Variants in ATP10D observed in about 807,000 individuals in gnomAD.
The protein encoded by ATP10D is ATPase phospholipid transporting 10D (putative).
A neutral mutation model predicts 144.8 loss-of-function variants in ATP10D; 89 were observed. The observed-to-expected ratio is 0.61, with a 90% CI of 0.52 to 0.73. ATP10D has a LOEUF of 0.73. Ranked by LOEUF, ATP10D falls within the 30% of genes least tolerant of loss-of-function variation. The pLI is 0.00. For missense variants in ATP10D, 1,603 were observed against 1,714.8 expected (o/e 0.93, Z 1.15); for synonymous variants, 571 against 615.1 (o/e 0.93, Z 1.06).
intron 1 of ATP10D, among the ~76,000 whole-genome samples, chr4:47,505,235 A>G (rs202018110): frequency 2.7e-4 from 41 of 152,362 alleles, no homozygotes; most frequent in African/African-American, 9.1e-4. Context: ...GGGCTTCCCA[A>G]TAACATGAGT....
chr4:47,486,838 G>A (rs1714785677), intron 1 of ATP10D, among the ~76,000 whole-genome samples: 1 of 152,156 alleles, frequency 6.6e-6, no homozygotes, highest in South Asian at 2.1e-4. Context: ...TAAATTGCAT[G>A]AAAAAGAGGG....
rs746393276 is a variant in ATP10D at position 47,558,101 on chromosome 4, G to A, written c.2262G>A (p.Val754=). The change falls in exon 12 of 23, where the codon GTG becomes GTA. Residue 754 remains valine (V), a synonymous_variant. Coordinates refer to ENST00000273859, the MANE Select transcript of ATP10D (RefSeq NM_020453.4). Reference sequence around the variant, plus strand: ...CTCGGACACCAGAGCAGGTCATGGTGGACTTTGCTGCTTTGGGACCATTAA... The same window carrying A: ...CTCGGACACCAGAGCAGGTCATGGTAGACTTTGCTGCTTTGGGACCATTAA... ...LRSRTPEQVM[V]DFAALGPLTF... The A allele has an allele frequency of 1.1e-5, 17 of 1,614,092 alleles. No individual in the cohort carries two copies. Among genetic ancestry groups the A allele is most frequent in the Admixed American group, 6.7e-5 (4 of 60,010 alleles).
chr4:47,548,067 A>G (rs898882749), intron 10 of ATP10D, among the ~76,000 whole-genome samples: 2 of 151,882 alleles, frequency 1.3e-5, no homozygotes, highest in African/African-American at 2.4e-5. Flanking sequence ...CTTTTTATCT[A>G]TCCTTGTATT....
At chr4:47,570,098 G>T (rs556301899) in intron 16 of ATP10D, among the ~76,000 whole-genome samples, 1 of 152,292 alleles carries the variant, frequency 6.6e-6, no homozygotes, top group South Asian at 2.1e-4. Context: ...TGGCTGTTCT[G>T]TCAGAGTAAT....
In ATP10D at chr4:47,563,572, A is replaced by AT. The variant is rs756629735; in HGVS notation, c.2669-3dup. 1.9e-6 allele frequency: 3 copies of AT among 1,594,986 alleles called. No individual in the cohort carries two copies. The highest frequency in any genetic ancestry group is 2.6e-6 in the Non-Finnish European group (3 of 1,173,008). Reference sequence around the variant, plus strand: ...TTACAAGTCCTATTGCACTTTGGTTATTTTTTAGGTGCTACTGGCATTGAA... The same window carrying AT: ...TTACAAGTCCTATTGCACTTTGGTTATTTTTTTAGGTGCTACTGGCATTGAA... On this transcript the variant is annotated splice_polypyrimidine_tract_variant and intron_variant, in intron 14 of 22. Coordinates refer to ENST00000273859, the MANE Select transcript of ATP10D (RefSeq NM_020453.4).
At chr4:47,497,101 G>A (rs575231412) in intron 1 of ATP10D, among the ~76,000 whole-genome samples, 8 of 151,986 alleles carry the variant, frequency 5.3e-5, no homozygotes, top group Admixed American at 2.0e-4. Context: ...TCGGCCTCCC[G>A]AATTGCTGGG....
chr4:47,502,579 T>C lies in ATP10D; in HGVS notation c.-37-9925T>C, dbSNP rs1448182016. On this transcript the variant is annotated intron_variant, in intron 1 of 22. Transcript: ENST00000273859. ...ATATATTTGATAATATATATATGAT[T>C]ATATGTTTTTAATTATACATGTTTT... Among the ~76,000 whole-genome samples, 4 of 148,628 alleles carry C rather than the reference T, an allele frequency of 2.7e-5. No individual in the cohort carries two copies. The East Asian group carries it at 7.8e-4, about 29-fold the overall frequency.
chr4:47,510,054 T>A (rs1716239160), intron 1 of ATP10D, among the ~76,000 whole-genome samples: 1 of 151,692 alleles, frequency 6.6e-6, no homozygotes, highest in South Asian at 2.1e-4. Flanking sequence ...AAGCCTCTGA[T>A]CTAGGATGAC....
intron 21 of ATP10D, among the ~76,000 whole-genome samples, chr4:47,582,646 C>T (rs1302106985): frequency 6.6e-6 from 1 of 152,120 alleles, no homozygotes. Flanking sequence ...ATTACCACAT[C>T]AGGATCTTGG....
intron 10 of ATP10D, 138 bp from the exon 11 acceptor site, chr4:47,554,588 A>T: frequency 1.6e-6 from 1 of 639,348 alleles, no homozygotes; most frequent in Non-Finnish European, 2.6e-6. Flanking sequence ...GATATACATT[A>T]CAATTGTTTT....
chr4:47,527,472 TC>T, intron 5 of ATP10D, among the ~76,000 whole-genome samples: 1 of 152,128 alleles, frequency 6.6e-6, no homozygotes. Context: ...AAAATTTTGC[TC>T]CTCCAATGAT....
At chr4:47,512,954 T>C (rs886984752) in intron 2 of ATP10D, 124 bp downstream of exon 2, 1 of 945,844 alleles carries the variant, frequency 1.1e-6, no homozygotes, top group African/African-American at 1.7e-5. Context: ...CTTGACAATT[T>C]TGATACAAAT....
At chr4:47,495,767 C>T (rs1419157603) in intron 1 of ATP10D, among the ~76,000 whole-genome samples, 5 of 141,134 alleles carry the variant, frequency 3.5e-5, no homozygotes, top group African/African-American at 7.9e-5. Flanking sequence ...AATGCAGTTT[C>T]GCTCTTGTTG....
At chr4:47,572,267 G>C in intron 17 of ATP10D, 37 bp downstream of exon 17, 1 of 1,568,600 alleles carries the variant, frequency 6.4e-7, no homozygotes, top group Non-Finnish European at 8.8e-7. Flanking sequence ...CTGTGGCCTT[G>C]ACCTGCCCAT....
chr4:47,500,972 A>G (rs1715652707), intron 1 of ATP10D, among the ~76,000 whole-genome samples: 1 of 152,210 alleles, frequency 6.6e-6, no homozygotes, highest in East Asian at 1.9e-4. Flanking sequence ...TCAGGACGTT[A>G]AAGTGACTCT....
intron 1 of ATP10D, among the ~76,000 whole-genome samples, chr4:47,507,100 A>C (rs919712994): frequency 1.3e-5 from 2 of 152,212 alleles, no homozygotes; most frequent in African/African-American, 4.8e-5. Context: ...GCAGTTTAAG[A>C]AATTAAACAT....
intron 9 of ATP10D, among the ~76,000 whole-genome samples, chr4:47,537,793 A>T (rs1717929723): frequency 6.6e-6 from 1 of 152,170 alleles, no homozygotes; most frequent in South Asian, 2.1e-4. Flanking sequence ...GTGGCCACTT[A>T]GTTTGTTAAT....
chr4:47,531,526 G>A (rs1182759956), intron 5 of ATP10D, among the ~76,000 whole-genome samples: 1 of 152,204 alleles, frequency 6.6e-6, no homozygotes, highest in Non-Finnish European at 1.5e-5. Flanking sequence ...GAAGGGCCTT[G>A]TGTATTTTGT....
intron 3 of ATP10D, among the ~76,000 whole-genome samples, chr4:47,522,717 G>A (rs891040902): frequency 2.6e-5 from 4 of 151,958 alleles, no homozygotes; most frequent in South Asian, 2.1e-4. Flanking sequence ...TTGCAAGTGC[G>A]TGCCACCATG....
Sources: gnomAD v4.1 joint callset for allele counts (sites outside exome capture counted in the v4.1 genomes callset) on GRCh38, gnomAD v4.1.1 for gene constraint, MANE v1.5 for transcripts, NCBI Gene and HGNC (gene_info 2026-07-23, HGNC 2026-07-21) for gene names.